The following XPR1 variants were observed in gnomAD, a reference collection of about 807,000 sequenced individuals.
The protein encoded by XPR1 is xenotropic and polytropic retrovirus receptor 1.
XPR1 carries 28 observed loss-of-function variants against 87.5 expected under a neutral mutation model. The observed-to-expected ratio is 0.32, with a 90% confidence interval of 0.24 to 0.44. The LOEUF is 0.44. XPR1 is among the 20% of genes least tolerant of loss of function. The pLI, the probability that XPR1 is intolerant of heterozygous loss-of-function variation, is 1.00. For missense variants in XPR1, 559 were observed against 862.3 expected (o/e 0.65, Z 4.41); for synonymous variants, 300 against 306.1 (o/e 0.98, Z 0.21).
At chr1:180,686,130 A>C (rs1057191452) in intron 2 of XPR1, among the ~76,000 whole-genome samples, 1 of 152,150 alleles carries the variant, frequency 6.6e-6, no homozygotes, top group African/African-American at 2.4e-5. Flanking sequence ...ATTTAGTGCT[A>C]TAAATTTTCC....
chr1:180,695,623 G>A (rs10914069), intron 2 of XPR1, among the ~76,000 whole-genome samples: 6,541 of 151,986 alleles, frequency 0.043, 502 homozygotes, highest in African/African-American at 0.15. Flanking sequence ...GTGAGAGAGG[G>A]GGATCTAGTT....
At chr1:180,882,631 C>T (rs1026527601) in intron 14 of XPR1, among the ~76,000 whole-genome samples, 1 of 152,204 alleles carries the variant, frequency 6.6e-6, no homozygotes, top group African/African-American at 2.4e-5. Context: ...GCTGGGATTA[C>T]AGGCAAGAGC....
At chr1:180,750,930 A>T (rs755416441) in intron 2 of XPR1, among the ~76,000 whole-genome samples, 1 of 152,002 alleles carries the variant, frequency 6.6e-6, no homozygotes, top group Non-Finnish European at 1.5e-5. Context: ...TCTTAGCAAC[A>T]TTTTTAGTTT....
chr1:180,644,504 T>C (rs1421530443), intron 1 of XPR1, among the ~76,000 whole-genome samples: 4 of 152,064 alleles, frequency 2.6e-5, no homozygotes, highest in African/African-American at 7.2e-5. Flanking sequence ...TATGTGAAGT[T>C]TAGAGTTTAG....
intron 2 of XPR1, among the ~76,000 whole-genome samples, chr1:180,715,948 C>CAGGTG (rs1657978916): frequency 6.6e-6 from 1 of 152,182 alleles, no homozygotes; most frequent in South Asian, 2.1e-4. Flanking sequence ...GCTGGGATTA[C>CAGGTG]AGGTGTAAGT....
At chr1:180,831,307 G>GCTCTA (rs1651051565) in intron 9 of XPR1, among the ~76,000 whole-genome samples, 1 of 148,020 alleles carries the variant, frequency 6.8e-6, no homozygotes, top group African/African-American at 2.5e-5. Context: ...TTGCTGCTCT[G>GCTCTA]TGCTTTCAAA....
intron 1 of XPR1, among the ~76,000 whole-genome samples, chr1:180,653,488 T>A (rs1434408283): frequency 6.6e-6 from 1 of 152,168 alleles, no homozygotes; most frequent in African/African-American, 2.4e-5. Context: ...GATTATAGAA[T>A]GAGAAATACT....
intron 2 of XPR1, among the ~76,000 whole-genome samples, chr1:180,785,842 G>A (rs950228052): frequency 6.6e-6 from 1 of 151,108 alleles, no homozygotes; most frequent in Non-Finnish European, 1.5e-5. Context: ...TAATTAAGTA[G>A]AATAAGCTGT....
At chr1:180,806,324 GC>G (rs1235173975) in intron 5 of XPR1, 113 bp downstream of exon 5, 4 of 1,490,700 alleles carry the variant, frequency 2.7e-6, no homozygotes, top group Non-Finnish European at 2.7e-6. Context: ...GAATATATAT[GC>G]CTTACCTGTG....
intron 1 of XPR1, among the ~76,000 whole-genome samples, chr1:180,650,222 C>T (rs527323016): frequency 3.6e-4 from 55 of 151,748 alleles, no homozygotes; most frequent in African/African-American, 1.3e-3. Flanking sequence ...GAATATTTAC[C>T]GCCGTCCCCC....
chr1:180,711,721 C>G (rs1443157969), intron 2 of XPR1, among the ~76,000 whole-genome samples: 1 of 152,094 alleles, frequency 6.6e-6, no homozygotes, highest in Non-Finnish European at 1.5e-5. Flanking sequence ...TTGATGTAGT[C>G]CAATTTATCA....
rs891800726 is a variant in XPR1, at chr1:180,886,816, G to C, written c.*2750G>C. 9.2e-5 allele frequency: 14 copies of C among 152,190 alleles called. No individual in the cohort carries two copies. The highest frequency in any genetic ancestry group is 1.9e-4 in the Non-Finnish European group (13 of 68,026). 9.4% of individuals were successfully genotyped at this position (152,190 alleles called of 1,614,324 possible). A position where few individuals can be genotyped will look rare whatever the true frequency, so the allele number is the denominator to read the frequency against. On this transcript the variant is annotated 3_prime_UTR_variant, in exon 15 of 15. Coordinates refer to ENST00000367590, the MANE Select transcript of XPR1 (RefSeq NM_004736.4). ...TTTATATGCCCTAGCAGTTGCGAAT[G>C]TTGTGTCCACCTTACAATTTGATTG...
intron 2 of XPR1, among the ~76,000 whole-genome samples, chr1:180,774,127 T>A (rs192925084): frequency 4.6e-5 from 7 of 152,240 alleles, no homozygotes; most frequent in Non-Finnish European, 1.0e-4. Context: ...GCATTTCTGG[T>A]CTAATTTGAA....
chr1:180,864,141 A>G (rs1652308121), intron 12 of XPR1, among the ~76,000 whole-genome samples: 1 of 152,186 alleles, frequency 6.6e-6, no homozygotes, highest in African/African-American at 2.4e-5. Context: ...TTGCAATACA[A>G]TGCGATAAAG....
At chr1:180,817,926 A>G (rs73042705) in intron 7 of XPR1, among the ~76,000 whole-genome samples, 6,521 of 152,182 alleles carry the variant, frequency 0.043, 498 homozygotes, top group African/African-American at 0.15. Context: ...GTAACACTTA[A>G]ATTCAAAAAG....
Position 180,880,202 on chromosome 1 carries a change from G to A in XPR1, c.1935G>A (p.Met645Ile). 37 of 1,614,202 alleles carry A rather than the reference G, an allele frequency of 2.3e-5. No homozygotes were observed. Among genetic ancestry groups the A allele is most frequent in the Non-Finnish European group, 3.1e-5 (37 of 1,180,038 alleles). ...ATGATCAGACTCTCCTAGAACAGATGATGGACCAGGATGATGGGGTACGAA... is the reference window on the plus strand; with the variant it reads ...ATGATCAGACTCTCCTAGAACAGATAATGGACCAGGATGATGGGGTACGAA... ...NADDQTLLEQ[M>I]MDQDDGVRNR... is the part of the protein sequence containing the mutation. The change falls in exon 14 of 15, where the codon ATG becomes ATA. Residue 645 changes from methionine (M) to isoleucine (I), a missense_variant. By Grantham distance (10) the Met-to-Ile change is conservative. Coordinates refer to ENST00000367590, the MANE Select transcript of XPR1 (RefSeq NM_004736.4).
At chr1:180,824,077 A>G (rs1242526125) in intron 7 of XPR1, among the ~76,000 whole-genome samples, 1 of 152,200 alleles carries the variant, frequency 6.6e-6, no homozygotes, top group Admixed American at 6.5e-5. Flanking sequence ...AATGAAGCCA[A>G]AGAGAGGTTT....
At chr1:180,853,970 G>A (rs1052852272) in intron 11 of XPR1, among the ~76,000 whole-genome samples, 3 of 151,990 alleles carry the variant, frequency 2.0e-5, no homozygotes, top group African/African-American at 7.3e-5. Context: ...ACATCATTGT[G>A]ACACTCATTG....
At chr1:180,741,153 T>C (rs1215391193) in intron 2 of XPR1, among the ~76,000 whole-genome samples, 3 of 152,148 alleles carry the variant, frequency 2.0e-5, no homozygotes, top group Non-Finnish European at 2.9e-5. Context: ...CTTGAAGTTA[T>C]CTGCGTCTAG....
Sources: gnomAD v4.1 joint callset for allele counts (sites outside exome capture counted in the v4.1 genomes callset) on GRCh38, gnomAD v4.1.1 for gene constraint, MANE v1.5 for transcripts, NCBI Gene and HGNC (gene_info 2026-07-23, HGNC 2026-07-21) for gene names.